The following RALYL variants were observed in gnomAD, a reference collection of about 807,000 sequenced individuals.
The protein encoded by RALYL is RNA-binding Raly-like protein.
In RALYL, 29 loss-of-function variants were observed where a neutral mutation model predicts 35.1. The ratio of observed to expected loss-of-function variants is 0.83; its 90% CI spans 0.61 to 1.13. The LOEUF (loss-of-function observed/expected upper bound fraction) is 1.13, where lower values mean the gene tolerates loss of function less well. Among genes scored for constraint, RALYL ranks in the 50% most tolerant of loss-of-function variants. RALYL has a pLI of 0.00. For missense variants in RALYL, 359 were observed against 360.4 expected (o/e 1.00, Z 0.03); for synonymous variants, 120 against 127.6 (o/e 0.94, Z 0.40).
At chr8:84,856,994 G>T (rs931830150) in intron 5 of RALYL, among the ~76,000 whole-genome samples, 1 of 131,404 alleles carries the variant, frequency 7.6e-6, no homozygotes, top group African/African-American at 2.8e-5. Context: ...CGCCACTGCA[G>T]TCCGCAGTCC....
chr8:84,507,854 C>G (rs1263974916), intron 1 of RALYL, among the ~76,000 whole-genome samples: 1 of 152,114 alleles, frequency 6.6e-6, no homozygotes, highest in Non-Finnish European at 1.5e-5. Context: ...AGCTGAAAGA[C>G]AGTTGTAGCC....
chr8:84,580,304 A>G (rs149827375), intron 2 of RALYL, among the ~76,000 whole-genome samples: 200 of 152,342 alleles, frequency 1.3e-3, no homozygotes, highest in Middle Eastern at 3.4e-3. Context: ...TAACTTATAA[A>G]CAAAACTTAT....
chr8:84,314,071 G>A (rs1314370905), intron 1 of RALYL, among the ~76,000 whole-genome samples: 1 of 152,138 alleles, frequency 6.6e-6, no homozygotes, highest in Non-Finnish European at 1.5e-5. Flanking sequence ...ATGGTGGAAG[G>A]TCAAGGGGAA....
intron 1 of RALYL, among the ~76,000 whole-genome samples, chr8:84,249,547 A>G (rs929478618): frequency 6.6e-6 from 1 of 152,134 alleles, no homozygotes; most frequent in African/African-American, 2.4e-5. Context: ...CAATTCTACA[A>G]TTTTAAAAGC....
At chr8:84,261,108 T>TTTG (rs1832189647) in intron 1 of RALYL, among the ~76,000 whole-genome samples, 3 of 1,600 alleles carry the variant, frequency 1.9e-3, no homozygotes, top group South Asian at 0.12. Context: ...TATTTACAGG[T>TTTG]TTTTTTTTTT....
intron 1 of RALYL, among the ~76,000 whole-genome samples, chr8:84,446,990 A>G (rs2048926392): frequency 6.6e-6 from 1 of 152,112 alleles, no homozygotes; most frequent in Non-Finnish European, 1.5e-5. Flanking sequence ...GTCAAAAAAT[A>G]TAGGCTGCAA....
intron 1 of RALYL, among the ~76,000 whole-genome samples, chr8:84,322,783 T>C (rs1845103218): frequency 6.6e-6 from 1 of 152,118 alleles, no homozygotes; most frequent in South Asian, 2.1e-4. Context: ...CAAGCTTCCC[T>C]ACTTCCGGCC....
chr8:84,325,893 G>A (rs2130557012), intron 1 of RALYL, among the ~76,000 whole-genome samples: 1 of 152,260 alleles, frequency 6.6e-6, no homozygotes, highest in Non-Finnish European at 1.5e-5. Context: ...ACTTTGGGAG[G>A]CTGAGGCGGT....
At position 84,365,147 on chromosome 8, in the gene RALYL, T is replaced by C. The variant is rs551738591; in HGVS notation, c.-23-164152T>C. Among the ~76,000 whole-genome samples, 234 of 152,296 alleles carry C rather than the reference T, an allele frequency of 1.5e-3. 4 individuals carry two copies. Among genetic ancestry groups the C allele is most frequent in the Non-Finnish European group, 2.6e-3 (180 of 67,998 alleles). On this transcript the variant is annotated intron_variant, in intron 1 of 8. Transcript: ENST00000521268. The stretch of plus-strand genomic sequence containing the variant: ...AATTTTCACTCTTGGACTATTTACC[T>C]GGTTTTCTTAATAGTAAATTACTAG...
intron 1 of RALYL, among the ~76,000 whole-genome samples, chr8:84,329,096 G>T (rs1315517995): frequency 2.6e-5 from 4 of 152,098 alleles, no homozygotes; most frequent in South Asian, 2.1e-4. Flanking sequence ...TTGGTGGAAT[G>T]ATTTATTTTT....
intron 2 of RALYL, among the ~76,000 whole-genome samples, chr8:84,617,284 G>A (rs1819986187): frequency 6.6e-6 from 1 of 151,684 alleles, no homozygotes; most frequent in African/African-American, 2.4e-5. Flanking sequence ...GTGGATTGTA[G>A]TTCTCCTGCA....
intron 1 of RALYL, among the ~76,000 whole-genome samples, chr8:84,453,657 G>T (rs2049785306): frequency 6.6e-6 from 1 of 152,012 alleles, no homozygotes; most frequent in Admixed American, 6.6e-5. Context: ...TTGAACAATT[G>T]TCTTAGACTG....
Position 84,683,998 on chromosome 8 carries a change from C to T in RALYL, c.257-90581C>T, listed in dbSNP as rs202244529. On this transcript the variant is annotated intron_variant, in intron 2 of 8. Transcript: ENST00000521268. ...ATTACAGGCGTTGAGCCATGCCTGG[C>T]TGTAGCTGGTATGTTTTTGATCAGA... Among the ~76,000 whole-genome samples, 13 of 152,252 alleles carry T rather than the reference C, an allele frequency of 8.5e-5. No individual in the cohort carries two copies. In the East Asian group the frequency reaches 2.3e-3, roughly 27 times the overall value.
At chr8:84,746,341 A>G (rs1425800689) in intron 2 of RALYL, among the ~76,000 whole-genome samples, 1 of 152,030 alleles carries the variant, frequency 6.6e-6, no homozygotes, top group Admixed American at 6.6e-5. Context: ...ATTGAAAAAC[A>G]TAAAACTGAA....
At chr8:84,248,850 A>G (rs188448707) in intron 1 of RALYL, among the ~76,000 whole-genome samples, 10 of 152,274 alleles carry the variant, frequency 6.6e-5, no homozygotes, top group Admixed American at 6.5e-4. Flanking sequence ...GTTACAGAAT[A>G]TAAGGAAGAA....
intron 2 of RALYL, among the ~76,000 whole-genome samples, chr8:84,767,350 A>C (rs1814344008): frequency 6.6e-6 from 1 of 152,180 alleles, no homozygotes; most frequent in East Asian, 1.9e-4. Context: ...AAATTGGCTA[A>C]ATTTTTGAGA....
chr8:84,617,184 G>A (rs1216534209), intron 2 of RALYL, among the ~76,000 whole-genome samples: 1 of 151,014 alleles, frequency 6.6e-6, no homozygotes, highest in Non-Finnish European at 1.5e-5. Flanking sequence ...ACCTTGGGCA[G>A]TATGGCCATT....
At chr8:84,590,542 G>T (rs1813005267) in intron 2 of RALYL, among the ~76,000 whole-genome samples, 1 of 152,202 alleles carries the variant, frequency 6.6e-6, no homozygotes, top group Non-Finnish European at 1.5e-5. Flanking sequence ...ATTCTCAGTT[G>T]AGAAGGAAAA....
At chr8:84,731,560 T>C (rs1846181096) in intron 2 of RALYL, among the ~76,000 whole-genome samples, 1 of 152,126 alleles carries the variant, frequency 6.6e-6, no homozygotes, top group Admixed American at 6.6e-5. Flanking sequence ...ATCCATCCAA[T>C]TCTCTCCACT....
Sources: allele counts gnomAD v4.1 joint callset (sites outside exome capture counted in the v4.1 genomes callset), GRCh38; gene constraint gnomAD v4.1.1; transcripts MANE v1.5; gene names NCBI Gene and HGNC (gene_info 2026-07-23, HGNC 2026-07-21).